Variants in TBC1D22A observed in about 807,000 individuals in gnomAD.
TBC1D22A encodes putative GTPase activator.
A neutral mutation model predicts 60.2 loss-of-function variants in TBC1D22A; 38 were observed. The observed-to-expected ratio is 0.63, with a 90% confidence interval of 0.49 to 0.83. TBC1D22A has a LOEUF of 0.83. Ranked by LOEUF, TBC1D22A falls within the 40% of genes least tolerant of loss-of-function variation. The pLI is 0.00. For missense variants in TBC1D22A, 628 were observed against 701.0 expected (o/e 0.90, Z 1.18); for synonymous variants, 302 against 281.7 (o/e 1.07, Z -0.72).
At chr22:46,926,578 T>C (rs544723620) in intron 8 of TBC1D22A, among the ~76,000 whole-genome samples, 2 of 152,316 alleles carry the variant, frequency 1.3e-5, no homozygotes, top group African/African-American at 4.8e-5. Context: ...GTAGCTGCAG[T>C]GTAGATGTAT....
intron 1 of TBC1D22A, among the ~76,000 whole-genome samples, chr22:46,773,165 C>T (rs960887061): frequency 1.3e-5 from 2 of 152,164 alleles, no homozygotes; most frequent in Admixed American, 1.3e-4. Context: ...CAGCCCTTCA[C>T]CCCCTGAACA....
At chr22:46,800,764 C>A (rs2084863784) in intron 4 of TBC1D22A, among the ~76,000 whole-genome samples, 1 of 152,192 alleles carries the variant, frequency 6.6e-6, no homozygotes, top group African/African-American at 2.4e-5. Flanking sequence ...TTTGAACTGG[C>A]CTTTTTATCT....
At chr22:46,872,514 T>C (rs2067339052) in intron 4 of TBC1D22A, among the ~76,000 whole-genome samples, 1 of 152,182 alleles carries the variant, frequency 6.6e-6, no homozygotes, top group African/African-American at 2.4e-5. Context: ...GGACCAGATA[T>C]GTGAAACAAC....
intron 8 of TBC1D22A, among the ~76,000 whole-genome samples, chr22:46,970,304 C>G (rs2073997106): frequency 6.6e-6 from 1 of 152,194 alleles, no homozygotes; most frequent in South Asian, 2.1e-4. Context: ...GTTCTGCTTC[C>G]TGTCTCTGCT....
chr22:46,949,784 G>A (rs1445205851), intron 8 of TBC1D22A, among the ~76,000 whole-genome samples: 1 of 152,232 alleles, frequency 6.6e-6, no homozygotes, highest in Admixed American at 6.5e-5. Flanking sequence ...TTTAATGCTG[G>A]CTCAGCAAGG....
chr22:47,077,680 A>G (rs1189571998), intron 11 of TBC1D22A, among the ~76,000 whole-genome samples: 1 of 152,258 alleles, frequency 6.6e-6, no homozygotes, highest in Admixed American at 6.5e-5. Context: ...GTGAAGAGGC[A>G]GTCGCACTGC....
intron 8 of TBC1D22A, among the ~76,000 whole-genome samples, chr22:46,941,131 A>G (rs2072007785): frequency 1.5e-5 from 2 of 130,008 alleles, no homozygotes; most frequent in East Asian, 2.3e-4. Context: ...ACACACACAC[A>G]CACACACACA....
At chr22:47,160,492 C>T (rs1053470805) in intron 12 of TBC1D22A, among the ~76,000 whole-genome samples, 1 of 152,296 alleles carries the variant, frequency 6.6e-6, no homozygotes, top group Admixed American at 6.5e-5. Context: ...AAGCACAGGG[C>T]CAGGGCATCC....
At chr22:46,862,412 G>A (rs998027002) in intron 4 of TBC1D22A, among the ~76,000 whole-genome samples, 1 of 152,052 alleles carries the variant, frequency 6.6e-6, no homozygotes, top group Non-Finnish European at 1.5e-5. Context: ...ATGAGATTTG[G>A]AGATTTTCTC....
At chr22:46,764,694 A>T (rs2083225235) in intron 1 of TBC1D22A, among the ~76,000 whole-genome samples, 1 of 152,222 alleles carries the variant, frequency 6.6e-6, no homozygotes, top group Non-Finnish European at 1.5e-5. Flanking sequence ...TTTTTATAAA[A>T]AGAGGGAAAT....
chr22:47,093,539 T>C (rs1379431921), intron 11 of TBC1D22A, among the ~76,000 whole-genome samples: 2 of 152,140 alleles, frequency 1.3e-5, no homozygotes, highest in Admixed American at 1.3e-4. Context: ...CCATTCCTCA[T>C]CTGTGAGCCC....
At chr22:47,050,748 G>C (rs967181526) in intron 11 of TBC1D22A, among the ~76,000 whole-genome samples, 1 of 146,568 alleles carries the variant, frequency 6.8e-6, no homozygotes, top group African/African-American at 2.5e-5. Flanking sequence ...TGTGAGGGCA[G>C]AACCTTGGGG....
At chr22:47,164,196 C>G (rs1024513880) in intron 12 of TBC1D22A, among the ~76,000 whole-genome samples, 1 of 152,192 alleles carries the variant, frequency 6.6e-6, no homozygotes, top group Admixed American at 6.5e-5. Flanking sequence ...GAGCAGGAGC[C>G]CCTCCCCGCA....
At chr22:46,789,189 A>G (rs111871257) in intron 1 of TBC1D22A, 2,099 of 160,618 alleles carry the variant, frequency 0.013, 53 homozygotes, top group African/African-American at 0.044. Flanking sequence ...GCAGTGGCGC[A>G]ATCTCGGCTC....
rs558862501 is a variant in TBC1D22A at position 47,078,389 on chromosome 22, C to G, written c.1330-33119C>G. 2.0e-5 allele frequency among the ~76,000 whole-genome samples: 3 copies of G among 152,320 alleles called. No homozygotes were observed. The South Asian group carries it at 6.2e-4, about 32-fold the overall frequency. ...AGGGTGAGAATTGCAATCGTGTATG[C>G]AAGTGTGCCCCCTCCCCTCCCCGGA... On this transcript the variant is annotated intron_variant, in intron 11 of 12. Transcript: ENST00000337137.
chr22:47,105,528 A>G (rs774829819), intron 11 of TBC1D22A, among the ~76,000 whole-genome samples: 1 of 152,224 alleles, frequency 6.6e-6, no homozygotes, highest in African/African-American at 2.4e-5. Flanking sequence ...CAGGGACTGA[A>G]CAGTTGTTTG....
At chr22:46,913,573 G>A (rs541218542) in intron 8 of TBC1D22A, 2 of 1,184,876 alleles carry the variant, frequency 1.7e-6, no homozygotes, top group African/African-American at 3.2e-5. Flanking sequence ...TTAAGTAGGG[G>A]AGAGGCTACT....
intron 8 of TBC1D22A, among the ~76,000 whole-genome samples, chr22:46,948,863 A>G (rs2072719133): frequency 6.6e-6 from 1 of 152,214 alleles, no homozygotes; most frequent in Non-Finnish European, 1.5e-5. Context: ...AGAAAATCAG[A>G]AAATCACCGG....
intron 9 of TBC1D22A, among the ~76,000 whole-genome samples, chr22:46,995,752 A>G (rs1306939856): frequency 1.3e-5 from 2 of 151,626 alleles, no homozygotes; most frequent in Non-Finnish European, 2.9e-5. Flanking sequence ...CCCTTCCTCC[A>G]CCTGCGGATT....
Sources: allele counts gnomAD v4.1 joint callset (sites outside exome capture counted in the v4.1 genomes callset), GRCh38; gene constraint gnomAD v4.1.1; transcripts MANE v1.5; gene names NCBI Gene and HGNC (gene_info 2026-07-23, HGNC 2026-07-21).